Variants in LTO1 observed in about 807,000 individuals in gnomAD.
LTO1 encodes LTO1 maturation factor of ABCE1.
In LTO1, 18 loss-of-function variants were observed where a neutral mutation model predicts 19.8. The ratio of observed to expected loss-of-function variants is 0.91; its 90% CI spans 0.63 to 1.35. The LOEUF (loss-of-function observed/expected upper bound fraction) is 1.35. Ranked by LOEUF, LTO1 falls within the 40% of genes most tolerant of loss-of-function variation. LTO1 has a pLI of 0.00. For missense variants in LTO1, 175 were observed against 167.9 expected (o/e 1.04, Z -0.23); for synonymous variants, 59 against 59.6 (o/e 0.99, Z 0.05).
In LTO1 at chr11:69,667,858, G is replaced by A. The variant is rs768527725; in HGVS notation, c.345+37C>T. On this transcript the variant is annotated intron_variant, in intron 4 of 4. Coordinates refer to ENST00000279147, the MANE Select transcript of LTO1 (RefSeq NM_153451.3). ...GCCCCGCCTGGGAAAGGCGCAATCA[G>A]GTGCTCCTAGCAGGAGGAAACACAC... 6.4e-5 allele frequency: 66 copies of A among 1,036,674 alleles called. No individual in the cohort carries two copies. The Middle Eastern group carries it at 1.4e-3, about 22-fold the overall frequency. 64.2% of individuals were successfully genotyped at this position (1,036,674 alleles called of 1,614,324 possible).
At chr11:69,672,366 T>C (rs1019296716) in intron 2 of LTO1, 3 of 161,322 alleles carry the variant, frequency 1.9e-5, no homozygotes, top group African/African-American at 4.8e-5. Flanking sequence ...CTCAGAAACA[T>C]GTGAGATCAT....
chr11:69,671,161 A>T (rs1253618956), intron 3 of LTO1, among the ~76,000 whole-genome samples: 3 of 152,116 alleles, frequency 2.0e-5, no homozygotes, highest in Non-Finnish European at 4.4e-5. Flanking sequence ...GGCCTCCCAA[A>T]GTGCTGGGAT....
chr11:69,675,182 C>T lies in LTO1; in HGVS notation c.50+8G>A, dbSNP rs750272219. 10 of 1,573,366 alleles carry T rather than the reference C, an allele frequency of 6.4e-6. No homozygotes were observed. The highest frequency in any genetic ancestry group is 8.6e-6 in the Non-Finnish European group (10 of 1,165,074). The stretch of plus-strand genomic sequence containing the variant: ...AGGGCGGGGTGCGGGCCCGGCCTCA[C>T]CACCCACCTCTCATCCGCCATCACG... On this transcript the variant is annotated splice_region_variant and intron_variant, in intron 1 of 4. Transcript: ENST00000279147.
intron 4 of LTO1, 65 bp downstream of exon 4, chr11:69,667,830 G>A (rs965045643): frequency 3.3e-6 from 3 of 902,208 alleles, no homozygotes; most frequent in Non-Finnish European, 5.6e-6. Flanking sequence ...CCGGGAGTGC[G>A]CTGCCCCGCC....
At chr11:69,674,361 G>A (rs546071424) in intron 1 of LTO1, among the ~76,000 whole-genome samples, 1 of 152,338 alleles carries the variant, frequency 6.6e-6, no homozygotes, top group East Asian at 1.9e-4. Flanking sequence ...GGTACCCGGA[G>A]TAGCACTGAC....
At chr11:69,674,588 T>C (rs193247811) in intron 1 of LTO1, 36 of 361,544 alleles carry the variant, frequency 1.0e-4, no homozygotes, top group African/African-American at 7.2e-4. Flanking sequence ...GTGGAACGTT[T>C]AGCTCAGTGT....
chr11:69,673,689 CTTTTTTTTTTTT>C (rs71046532), intron 1 of LTO1, among the ~76,000 whole-genome samples: 10 of 121,226 alleles, frequency 8.2e-5, no homozygotes, highest in Non-Finnish European at 1.5e-4. Context: ...TTCTTTCTTC[CTTTTTTTTTTTT>C]TTTTTTTTGA....
chr11:69,671,803 C>A lies in LTO1; in HGVS notation c.173G>T (p.Gly58Val), dbSNP rs1333385388. ...TAGACATTTCCATGCAAAAGCAAAA[C>A]CTTGGTAGCACCCGATCTGTGAATG... is the stretch of plus-strand genomic sequence containing the variant. ...KIGSEIGCYQ[G>V]FAFAWKCLLH... The change falls in exon 3 of 5, where the codon GGT (glycine) becomes GTT (valine). Residue 58 changes from glycine (G) to valine (V), a missense_variant. Physicochemically the swap from Gly to Val is moderately radical, Grantham distance 109 (BLOSUM62 -3). Transcript: ENST00000279147. 6.3e-7 allele frequency: 1 copy of A among 1,595,270 alleles called. No individual in the cohort carries two copies. The highest frequency in any genetic ancestry group is 1.7e-5 in the Admixed American group (1 of 59,974).
intron 1 of LTO1, chr11:69,674,925 G>A (rs749413836): frequency 1.2e-5 from 8 of 684,616 alleles, no homozygotes; most frequent in Admixed American, 2.0e-5. Context: ...GGAACCACCA[G>A]GCTGAGCAGA....
chr11:69,674,974 G>A (rs1162555013), intron 1 of LTO1: 3 of 693,994 alleles, frequency 4.3e-6, no homozygotes, highest in South Asian at 1.5e-5. Context: ...GGGTCTGGAA[G>A]AGCAGCTGGG....
chr11:69,669,140 G>A (rs553188621), intron 3 of LTO1, among the ~76,000 whole-genome samples: 1 of 152,008 alleles, frequency 6.6e-6, no homozygotes. Context: ...AGAGATCAGG[G>A]CTCTCACCTG....
chr11:69,667,337 G>A lies in LTO1; in HGVS notation c.*182C>T, dbSNP rs191358711. 25 of 600,812 alleles carry A rather than the reference G, an allele frequency of 4.2e-5. No individual in the cohort carries two copies. Among genetic ancestry groups the A allele is most frequent in the Admixed American group, 2.1e-4 (7 of 32,910 alleles). 37.2% of individuals were successfully genotyped at this position (600,812 alleles called of 1,614,324 possible). A position where few individuals can be genotyped will look rare whatever the true frequency, so the allele number is the denominator to read the frequency against. On this transcript the variant is annotated 3_prime_UTR_variant, in exon 5 of 5. Transcript: ENST00000279147. ...GGCATGTGTGGCGAGGCCCCAAGACGGGCACCAAGGTGACACAGGCAGAAA... is the reference window on the plus strand; with the variant it reads ...GGCATGTGTGGCGAGGCCCCAAGACAGGCACCAAGGTGACACAGGCAGAAA...
intron 3 of LTO1, among the ~76,000 whole-genome samples, chr11:69,670,780 T>C (rs957091550): frequency 2.0e-5 from 3 of 152,248 alleles, no homozygotes; most frequent in Non-Finnish European, 4.4e-5. Context: ...CGCTTGCTGC[T>C]GCCCATGAAC....
rs761375636 is a variant in LTO1 at position 69,667,892 on chromosome 11, C to T, written c.345+3G>A. On this transcript the variant is annotated splice_donor_region_variant and intron_variant, in intron 4 of 4. Coordinates refer to ENST00000279147, the MANE Select transcript of LTO1 (RefSeq NM_153451.3). ...AGCAGGAGGAAACACACAGTGCACG[C>T]ACCTGTTTAAATTTTCCTCTGATCT... The T allele has an allele frequency of 7.7e-7, 1 of 1,306,084 alleles. No individual in the cohort carries two copies. The highest frequency in any genetic ancestry group is 1.2e-5 in the South Asian group (1 of 84,914). The allele number at this position is 1,306,084 out of a possible 1,614,324, so 80.9% of individuals were successfully genotyped here.
chr11:69,667,214 G>T lies in LTO1; in HGVS notation c.*305C>A. On this transcript the variant is annotated 3_prime_UTR_variant, in exon 5 of 5. Transcript: ENST00000279147. ...GGCCTGGTGACTGACCCTATCCAGA[G>T]CCAACTCCAACCCAGAACCAGCTAG... 2.4e-6 allele frequency: 1 copy of T among 408,322 alleles called. No homozygotes were observed. Among genetic ancestry groups the T allele is most frequent in the Non-Finnish European group, 4.4e-6 (1 of 229,338 alleles). 25.3% of individuals were successfully genotyped at this position (408,322 alleles called of 1,614,324 possible).
rs775198595 is a variant in LTO1, at chr11:69,675,138, C to T, written c.50+52G>A. 10 of 1,552,794 alleles carry T rather than the reference C, an allele frequency of 6.4e-6. No homozygotes were observed. In the South Asian group the frequency reaches 1.1e-4, roughly 18 times the overall value. ...CCTGGGCCGCAGCCGGCGGCGAAGCCGCTGGGAGACGACCAGACAGGGCGG... is the reference window on the plus strand; with the variant it reads ...CCTGGGCCGCAGCCGGCGGCGAAGCTGCTGGGAGACGACCAGACAGGGCGG... On this transcript the variant is annotated intron_variant, in intron 1 of 4. Transcript: ENST00000279147.
chr11:69,671,647 G>A (rs538964917), intron 3 of LTO1, 102 bp downstream of exon 3: 2 of 737,708 alleles, frequency 2.7e-6, no homozygotes, highest in South Asian at 1.4e-5. Context: ...CCATTTTACA[G>A]ATGAGGAACA....
chr11:69,668,826 G>A (rs1250595270), intron 3 of LTO1, among the ~76,000 whole-genome samples: 2 of 151,872 alleles, frequency 1.3e-5, no homozygotes, highest in African/African-American at 4.8e-5. Context: ...TCAGGAGTTC[G>A]AGACCAGCCT....
chr11:69,675,010 G>T, intron 1 of LTO1, 180 bp downstream of exon 1: 1 of 699,434 alleles, frequency 1.4e-6, no homozygotes, highest in Non-Finnish European at 2.6e-6. Flanking sequence ...AGCGGGCCAG[G>T]AGAAGAGGAC....
Sources: gnomAD v4.1 joint callset for allele counts (sites outside exome capture counted in the v4.1 genomes callset) on GRCh38, gnomAD v4.1.1 for gene constraint, MANE v1.5 for transcripts, NCBI Gene and HGNC (gene_info 2026-07-23, HGNC 2026-07-21) for gene names.